HOOK3: variants seen among roughly 807,000 people sequenced by gnomAD.
The protein encoded by HOOK3 is hook microtubule tethering protein 3.
A neutral mutation model predicts 116.3 loss-of-function variants in HOOK3; 24 were observed. The observed-to-expected ratio is 0.21, with a 90% CI of 0.15 to 0.29. The LOEUF (loss-of-function observed/expected upper bound fraction) is 0.29. HOOK3 is among the 10% of genes least tolerant of loss of function. The pLI, the probability that HOOK3 is intolerant of heterozygous loss-of-function variation, is 1.00. For synonymous variants in HOOK3, 275 were observed against 283.0 expected, an observed-to-expected ratio of 0.97 and a Z score of 0.28; for missense variants, 632 against 830.2, an observed-to-expected ratio of 0.76 and a Z score of 2.93.
intron 18 of HOOK3, among the ~76,000 whole-genome samples, chr8:43,009,645 AAC>A (rs1809565886): frequency 6.6e-6 from 1 of 152,154 alleles, no homozygotes; most frequent in African/African-American, 2.4e-5. Context: ...GAGGTGAGAG[AAC>A]AGACTTATTT....
chr8:42,986,805 T>C lies in HOOK3; in HGVS notation c.1532+10T>C. 6.2e-7 allele frequency: 1 copy of C among 1,610,652 alleles called. No individual in the cohort carries two copies. The highest frequency in any genetic ancestry group is 1.7e-4 in the Middle Eastern group (1 of 6,054). On this transcript the variant is annotated intron_variant, in intron 15 of 21. Coordinates refer to ENST00000307602, the MANE Select transcript of HOOK3 (RefSeq NM_032410.4). ...TGGAGACAGAGAATAGGTAGAGTAT[T>C]ATAGGTGGCCGCATCTGGCTATAAG...
chr8:42,903,454 C>G (rs920261549), intron 1 of HOOK3, among the ~76,000 whole-genome samples: 8 of 148,858 alleles, frequency 5.4e-5, no homozygotes, highest in Non-Finnish European at 1.0e-4. Context: ...CCACCATTCT[C>G]CTGCTTCAGC....
intron 15 of HOOK3, among the ~76,000 whole-genome samples, chr8:42,997,348 T>C (rs1245495015): frequency 6.6e-6 from 1 of 152,206 alleles, no homozygotes; most frequent in Non-Finnish European, 1.5e-5. Context: ...GTGTTAGAAG[T>C]CATCATTCGA....
At chr8:42,905,445 G>A (rs1211549850) in intron 1 of HOOK3, among the ~76,000 whole-genome samples, 3 of 152,018 alleles carry the variant, frequency 2.0e-5, no homozygotes, top group East Asian at 1.9e-4. Context: ...ACGGCTCACA[G>A]TAATGGAGGC....
Position 42,986,388 on chromosome 8 carries a change from C to G in HOOK3, c.1392-267C>G, listed in dbSNP as rs866819954. On this transcript the variant is annotated intron_variant, in intron 14 of 21. Coordinates refer to ENST00000307602, the MANE Select transcript of HOOK3 (RefSeq NM_032410.4). The stretch of plus-strand genomic sequence containing the variant: ...GCATTCATAGTTTAAATATTTAAAT[C>G]AGGGAAGAAATAGGATTTTGAAATC... Among the ~76,000 whole-genome samples, 6 of 152,148 alleles carry G rather than the reference C, an allele frequency of 3.9e-5. No individual in the cohort carries two copies. The Middle Eastern group carries it at 0.01, about 259-fold the overall frequency.
chr8:42,958,696 A>G (rs561778736), intron 7 of HOOK3, among the ~76,000 whole-genome samples: 19 of 146,700 alleles, frequency 1.3e-4, no homozygotes, highest in African/African-American at 4.8e-4. Flanking sequence ...TGCTGTACCT[A>G]TCAACCCATC....
intron 15 of HOOK3, among the ~76,000 whole-genome samples, chr8:42,987,886 A>T (rs1027912608): frequency 1.3e-5 from 2 of 151,014 alleles, no homozygotes; most frequent in African/African-American, 4.9e-5. Flanking sequence ...ATACTCTGTC[A>T]TTTTTTAAGG....
chr8:42,929,656 A>C lies in HOOK3; in HGVS notation c.217-466A>C, dbSNP rs556548542. Among the ~76,000 whole-genome samples the C allele has an allele frequency of 2.2e-4, 34 of 152,276 alleles. No individual in the cohort carries two copies. The South Asian group carries it at 2.5e-3, about 11-fold the overall frequency. ...TTTCTGGTAGGGGAAGAATTTAGAG[A>C]CATTATACTTCATGGGTTATTTTAA... On this transcript the variant is annotated intron_variant, in intron 3 of 21. Coordinates refer to ENST00000307602, the MANE Select transcript of HOOK3 (RefSeq NM_032410.4).
intron 8 of HOOK3, among the ~76,000 whole-genome samples, chr8:42,960,803 T>C (rs1289843562): frequency 6.6e-6 from 1 of 152,200 alleles, no homozygotes; most frequent in African/African-American, 2.4e-5. Flanking sequence ...GGTTGAGTAA[T>C]CCCAAATAAT....
intron 4 of HOOK3, among the ~76,000 whole-genome samples, chr8:42,939,720 C>T (rs1313003453): frequency 2.0e-5 from 3 of 151,012 alleles, no homozygotes; most frequent in South Asian, 4.2e-4. Flanking sequence ...CTCCTCACTT[C>T]TCAGACGGGG....
intron 4 of HOOK3, among the ~76,000 whole-genome samples, chr8:42,938,774 G>C (rs1473775451): frequency 6.6e-6 from 1 of 151,738 alleles, no homozygotes; most frequent in Non-Finnish European, 1.5e-5. Context: ...AGGGGGATTT[G>C]GCAGGGTCAC....
Position 43,024,991 on chromosome 8 carries a change from T to TGTATTATC in HOOK3, c.*6494_*6501dup. Reference sequence around the variant, plus strand: ...TAGCCTTTTATCAAACCATTTCACATGTATTATCTATATGACTATAGAAAC... The same window carrying TGTATTATC: ...TAGCCTTTTATCAAACCATTTCACATGTATTATCGTATTATCTATATGACTATAGAAAC... On this transcript the variant is annotated 3_prime_UTR_variant, in exon 22 of 22. Coordinates refer to ENST00000307602, the MANE Select transcript of HOOK3 (RefSeq NM_032410.4). 4.9e-6 allele frequency: 1 copy of TGTATTATC among 203,540 alleles called. No individual in the cohort carries two copies. 12.6% of individuals were successfully genotyped at this position (203,540 alleles called of 1,614,324 possible). A position where few individuals can be genotyped will look rare whatever the true frequency, so the allele number is the denominator to read the frequency against.
At chr8:42,976,642 A>G (rs1289884231) in intron 13 of HOOK3, among the ~76,000 whole-genome samples, 1 of 152,192 alleles carries the variant, frequency 6.6e-6, no homozygotes, top group Non-Finnish European at 1.5e-5. Flanking sequence ...TCATGCCTGT[A>G]ATCTCAGCAC....
intron 15 of HOOK3, among the ~76,000 whole-genome samples, chr8:42,989,241 C>G (rs1484312581): frequency 6.6e-6 from 1 of 152,176 alleles, no homozygotes; most frequent in Non-Finnish European, 1.5e-5. Flanking sequence ...TCAAGCTCAC[C>G]CTGTCCCTGC....
At chr8:42,941,037 C>T (rs1808106598) in intron 4 of HOOK3, among the ~76,000 whole-genome samples, 1 of 151,934 alleles carries the variant, frequency 6.6e-6, no homozygotes, top group African/African-American at 2.4e-5. Flanking sequence ...ACCTCCACCT[C>T]CCAGGTTCAA....
Position 43,021,237 on chromosome 8 carries a change from C to G in HOOK3, c.*2739C>G, listed in dbSNP as rs1809822525. ...CAGTCCTAATCTCCTACCCATCCAC[C>G]TACCCAGATATTTTTTCTCTATCTG... On this transcript the variant is annotated 3_prime_UTR_variant, in exon 22 of 22. Transcript: ENST00000307602. 1 of 206,466 alleles carries G rather than the reference C, an allele frequency of 4.8e-6. No homozygotes were observed. The highest frequency in any genetic ancestry group is 2.3e-5 in the African/African-American group (1 of 43,732). 12.8% of individuals were successfully genotyped at this position (206,466 alleles called of 1,614,324 possible). A position where few individuals can be genotyped will look rare whatever the true frequency, so the allele number is the denominator to read the frequency against.
At chr8:42,949,161 A>G (rs1399241057) in intron 5 of HOOK3, among the ~76,000 whole-genome samples, 4 of 152,242 alleles carry the variant, frequency 2.6e-5, no homozygotes, top group Admixed American at 6.5e-5. Flanking sequence ...TGAGATTTTT[A>G]TTGTGCATGT....
chr8:42,900,053 TG>T (rs1430154966), intron 1 of HOOK3, among the ~76,000 whole-genome samples: 2 of 152,214 alleles, frequency 1.3e-5, no homozygotes, highest in African/African-American at 4.8e-5. Context: ...AACGTCTCAT[TG>T]CCTCATATGC....
intron 4 of HOOK3, among the ~76,000 whole-genome samples, chr8:42,940,030 C>T (rs1808073814): frequency 6.6e-6 from 1 of 151,248 alleles, no homozygotes; most frequent in Non-Finnish European, 1.5e-5. Context: ...CTCCTCACAT[C>T]CCAGACGGTG....
Sources: allele counts gnomAD v4.1 joint callset (sites outside exome capture counted in the v4.1 genomes callset), GRCh38; gene constraint gnomAD v4.1.1; transcripts MANE v1.5; gene names NCBI Gene and HGNC (gene_info 2026-07-23, HGNC 2026-07-21).